Variants in GALNTL6 observed in about 807,000 individuals in gnomAD.
The protein encoded by GALNTL6 is polypeptide N-acetylgalactosaminyltransferase-like 6.
Under a neutral mutation model 73.7 loss-of-function variants are expected in GALNTL6, and 46 were observed. That is an observed-to-expected ratio of 0.62 (90% CI 0.49 to 0.80). GALNTL6 has a LOEUF of 0.80. Ranked by LOEUF, GALNTL6 falls within the 30% of genes least tolerant of loss-of-function variation. The pLI is 0.00. For missense variants in GALNTL6, 604 were observed against 755.0 expected, an observed-to-expected ratio of 0.80 and a Z score of 2.34; for synonymous variants, 259 against 263.7, an observed-to-expected ratio of 0.98 and a Z score of 0.17.
chr4:172,877,275 G>A lies in GALNTL6; in HGVS notation c.924-5515G>A, dbSNP rs139878798. Among the ~76,000 whole-genome samples the A allele has an allele frequency of 2.4e-3, 364 of 152,144 alleles. 2 individuals carry two copies. The highest frequency in any genetic ancestry group is 8.6e-3 in the African/African-American group (355 of 41,516). On this transcript the variant is annotated intron_variant, in intron 7 of 12. Coordinates refer to ENST00000506823, the MANE Select transcript of GALNTL6 (RefSeq NM_001034845.3). ...TAATGTCTGAAAATGTGAGAAAGTA[G>A]GCAAGAATAAGCCAGAGAAATTTTT... is the stretch of plus-strand genomic sequence containing the variant.
At chr4:172,996,484 C>G (rs886851607) in intron 10 of GALNTL6, among the ~76,000 whole-genome samples, 33 of 152,166 alleles carry the variant, frequency 2.2e-4, no homozygotes, top group Admixed American at 2.1e-3. Context: ...CAACAAACCC[C>G]CATGACACAA....
At chr4:172,562,221 C>A (rs1490234828) in intron 5 of GALNTL6, among the ~76,000 whole-genome samples, 1 of 152,148 alleles carries the variant, frequency 6.6e-6, no homozygotes, top group Non-Finnish European at 1.5e-5. Context: ...AAAGTGGTTG[C>A]TTCTGCTGGC....
chr4:172,345,401 GA>G (rs1211761110), intron 4 of GALNTL6, among the ~76,000 whole-genome samples: 1 of 152,132 alleles, frequency 6.6e-6, no homozygotes, highest in East Asian at 1.9e-4. Flanking sequence ...GTAATGTCTT[GA>G]TAGTTGTGTT....
At chr4:172,369,102 G>C (rs1742685702) in intron 5 of GALNTL6, among the ~76,000 whole-genome samples, 1 of 152,164 alleles carries the variant, frequency 6.6e-6, no homozygotes, top group Non-Finnish European at 1.5e-5. Flanking sequence ...CCCACATCCT[G>C]CTGATTGGTC....
intron 3 of GALNTL6, among the ~76,000 whole-genome samples, chr4:172,272,606 A>C (rs192559380): frequency 6.6e-6 from 1 of 152,324 alleles, no homozygotes; most frequent in Admixed American, 6.5e-5. Context: ...TAGGTAGTCC[A>C]AAATGGTTTG....
chr4:172,278,264 A>G (rs1193068886), intron 3 of GALNTL6, among the ~76,000 whole-genome samples: 1 of 151,956 alleles, frequency 6.6e-6, no homozygotes, highest in Non-Finnish European at 1.5e-5. Flanking sequence ...TTGTTTATGA[A>G]CCTTTGTGTT....
At chr4:172,311,231 G>A (rs1261574539) in intron 3 of GALNTL6, among the ~76,000 whole-genome samples, 1 of 152,012 alleles carries the variant, frequency 6.6e-6, no homozygotes, top group Non-Finnish European at 1.5e-5. Flanking sequence ...TCAGTGGAAT[G>A]GTGTAAATTG....
intron 2 of GALNTL6, among the ~76,000 whole-genome samples, chr4:171,855,600 AT>A (rs536503868): frequency 6.6e-6 from 1 of 152,308 alleles, no homozygotes; most frequent in Non-Finnish European, 1.5e-5. Context: ...ATTTTTGTAT[AT>A]ATGTAAGTTT....
intron 2 of GALNTL6, among the ~76,000 whole-genome samples, chr4:172,168,354 T>C: frequency 6.6e-6 from 1 of 152,204 alleles, no homozygotes; most frequent in East Asian, 1.9e-4. Flanking sequence ...AAATCTCTGC[T>C]CACTGTAATC....
At chr4:172,145,775 G>C (rs542996820) in intron 2 of GALNTL6, among the ~76,000 whole-genome samples, 1 of 152,134 alleles carries the variant, frequency 6.6e-6, no homozygotes, top group East Asian at 1.9e-4. Flanking sequence ...CATTTTTAGG[G>C]TCTTGACTTG....
chr4:172,338,683 T>G (rs992029055), intron 4 of GALNTL6, among the ~76,000 whole-genome samples: 6 of 152,166 alleles, frequency 3.9e-5, no homozygotes, highest in Admixed American at 6.5e-5. Context: ...AGATATTGCC[T>G]GAGACAATGG....
chr4:172,215,408 G>A (rs916861105), intron 2 of GALNTL6, among the ~76,000 whole-genome samples: 3 of 152,054 alleles, frequency 2.0e-5, no homozygotes, highest in African/African-American at 7.2e-5. Context: ...ATCAGTTTCT[G>A]ATATTCTGTT....
chr4:172,658,600 G>A (rs1390163166), intron 5 of GALNTL6, among the ~76,000 whole-genome samples: 1 of 152,098 alleles, frequency 6.6e-6, no homozygotes, highest in Non-Finnish European at 1.5e-5. Flanking sequence ...GGAATGAAAT[G>A]TCTTCCCAAG....
At chr4:172,116,807 G>A (rs1732996495) in intron 2 of GALNTL6, among the ~76,000 whole-genome samples, 1 of 152,088 alleles carries the variant, frequency 6.6e-6, no homozygotes, top group Admixed American at 6.6e-5. Flanking sequence ...AAAATTTAAT[G>A]TGATTTTCTT....
intron 8 of GALNTL6, among the ~76,000 whole-genome samples, chr4:172,927,802 G>C (rs1033086087): frequency 6.6e-6 from 1 of 152,032 alleles, no homozygotes; most frequent in Non-Finnish European, 1.5e-5. Flanking sequence ...ATGCCCCAGA[G>C]GACAGGCTAT....
chr4:172,827,226 GT>G (rs1426543954), intron 7 of GALNTL6, among the ~76,000 whole-genome samples: 1 of 152,114 alleles, frequency 6.6e-6, no homozygotes, highest in East Asian at 1.9e-4. Flanking sequence ...CCTAGCTTTG[GT>G]TTGTTCAGCC....
At chr4:172,845,408 G>A (rs556014849) in intron 7 of GALNTL6, among the ~76,000 whole-genome samples, 16 of 152,066 alleles carry the variant, frequency 1.1e-4, no homozygotes, top group Non-Finnish European at 1.8e-4. Flanking sequence ...TACCCCAACC[G>A]CACTTAGAAA....
intron 2 of GALNTL6, among the ~76,000 whole-genome samples, chr4:171,949,748 T>C (rs1376513360): frequency 3.3e-5 from 5 of 152,126 alleles, no homozygotes; most frequent in Non-Finnish European, 7.4e-5. Flanking sequence ...GTTAAGTAGT[T>C]GATATGAAAT....
At position 171,825,176 on chromosome 4, in the gene GALNTL6, C is replaced by A. The variant is rs144701789; in HGVS notation, c.138+10458C>A. Among the ~76,000 whole-genome samples the A allele has an allele frequency of 6.6e-5, 10 of 152,218 alleles. No homozygotes were observed. The East Asian group carries it at 1.9e-3, about 29-fold the overall frequency. On this transcript the variant is annotated intron_variant, in intron 2 of 12. Coordinates refer to ENST00000506823, the MANE Select transcript of GALNTL6 (RefSeq NM_001034845.3). ...TTTAGGGCTGAATACTTTATTATTT[C>A]ATCTAACTTGAGTTTTAACGTTGTT...
Sources: gnomAD v4.1 joint callset for allele counts (sites outside exome capture counted in the v4.1 genomes callset) on GRCh38, gnomAD v4.1.1 for gene constraint, MANE v1.5 for transcripts, NCBI Gene and HGNC (gene_info 2026-07-23, HGNC 2026-07-21) for gene names.